The following VPS13B variants were observed in gnomAD, a reference collection of about 807,000 sequenced individuals.
VPS13B encodes intermembrane lipid transfer protein VPS13B.
A neutral mutation model predicts 426.4 loss-of-function variants in VPS13B; 285 were observed. The ratio of observed to expected loss-of-function variants is 0.67; its 90% CI spans 0.61 to 0.74. VPS13B has a LOEUF of 0.74. Among genes scored for constraint, VPS13B ranks in the 30% least tolerant of loss-of-function variants. VPS13B has a pLI of 0.00. For missense variants in VPS13B, 4,537 were observed against 4,782.6 expected (o/e 0.95, Z 1.51); for synonymous variants, 1,676 against 1,676.4 (o/e 1.00, Z 0.01).
intron 51 of VPS13B, among the ~76,000 whole-genome samples, chr8:99,830,648 GA>G (rs147787783): frequency 7.2e-5 from 11 of 151,866 alleles, no homozygotes; most frequent in Non-Finnish European, 1.3e-4. Context: ...ACTGGGGTAT[GA>G]AAAAAAACTC....
At chr8:99,304,512 A>G (rs1292466472) in intron 19 of VPS13B, among the ~76,000 whole-genome samples, 1 of 152,132 alleles carries the variant, frequency 6.6e-6, no homozygotes, top group Non-Finnish European at 1.5e-5. Context: ...AAGATGAAAT[A>G]TTAAATTTGT....
At chr8:99,736,911 G>A (rs913081193) in intron 39 of VPS13B, among the ~76,000 whole-genome samples, 3 of 151,916 alleles carry the variant, frequency 2.0e-5, no homozygotes, top group Non-Finnish European at 4.4e-5. Flanking sequence ...AGATGAGAAA[G>A]CTAAGCCCAG....
chr8:99,697,237 A>G, intron 35 of VPS13B: 1 of 574,310 alleles, frequency 1.7e-6, no homozygotes, highest in Non-Finnish European at 3.2e-6. Flanking sequence ...GTCACGCTGC[A>G]GGAGGAGGCA....
chr8:99,166,581 T>C (rs568912356), intron 15 of VPS13B, among the ~76,000 whole-genome samples: 43 of 152,316 alleles, frequency 2.8e-4, no homozygotes, highest in African/African-American at 1.0e-3. Flanking sequence ...GAAACGAAGA[T>C]ATACATAAAT....
At chr8:99,676,199 T>G (rs938825608) in intron 35 of VPS13B, among the ~76,000 whole-genome samples, 2 of 152,058 alleles carry the variant, frequency 1.3e-5, no homozygotes, top group African/African-American at 4.8e-5. Flanking sequence ...GAGGGCACCC[T>G]ACACCCAGGC....
chr8:99,561,975 T>C (rs573977602), intron 31 of VPS13B, among the ~76,000 whole-genome samples: 2 of 152,322 alleles, frequency 1.3e-5, no homozygotes, highest in African/African-American at 4.8e-5. Context: ...TTCAGCTTTT[T>C]GAGAAACTGC....
chr8:99,798,887 A>G (rs898723301), intron 43 of VPS13B, among the ~76,000 whole-genome samples: 5 of 152,224 alleles, frequency 3.3e-5, no homozygotes, highest in Admixed American at 3.3e-4. Context: ...GGAGAAAGGT[A>G]ATGCAGCTGG....
chr8:99,409,513 G>T (rs986347610), intron 21 of VPS13B, among the ~76,000 whole-genome samples: 2 of 152,044 alleles, frequency 1.3e-5, no homozygotes, highest in African/African-American at 4.8e-5. Context: ...CAGTAAATAT[G>T]TACAATTGTA....
chr8:99,712,966 T>G (rs1257626787), intron 36 of VPS13B, among the ~76,000 whole-genome samples: 1 of 152,166 alleles, frequency 6.6e-6, no homozygotes, highest in Non-Finnish European at 1.5e-5. Context: ...AGGTAGGCAC[T>G]TTGCAAGTGA....
chr8:99,140,505 T>C (rs1239909148), intron 12 of VPS13B, among the ~76,000 whole-genome samples: 2 of 152,088 alleles, frequency 1.3e-5, no homozygotes, highest in East Asian at 3.8e-4. Context: ...TTAAGTTTCC[T>C]CTGCTACTAT....
In VPS13B at chr8:99,778,704, A is replaced by G; in HGVS notation, c.7452A>G (p.Pro2484=). The G allele has an allele frequency of 1.2e-6, 2 of 1,613,874 alleles. No homozygotes were observed. The highest frequency in any genetic ancestry group is 1.1e-5 in the South Asian group (1 of 91,070). The part of the protein sequence containing the change: ...LGTAAPQYLQ[P]FVSDRNMPSE... ...CAGCTGCACCACAGTACCTACAGCC[A>G]TTTGTTTCCGACAGAAATATGCCAT... Residue 2484 remains proline, a synonymous_variant, in exon 42 of 62, where the codon CCA becomes CCG. Coordinates refer to ENST00000357162, the MANE Select transcript of VPS13B (RefSeq NM_152564.5).
chr8:99,708,849 C>CTATA (rs1554916985), intron 36 of VPS13B, among the ~76,000 whole-genome samples: 212 of 147,334 alleles, frequency 1.4e-3, no homozygotes, highest in South Asian at 3.5e-3. Flanking sequence ...CTCTCTCTCT[C>CTATA]TATATATATA....
chr8:99,543,193 G>C (rs559892576), intron 30 of VPS13B, among the ~76,000 whole-genome samples: 15 of 152,174 alleles, frequency 9.9e-5, no homozygotes, highest in East Asian at 3.9e-4. Flanking sequence ...ACAAACCTGA[G>C]AAAAACAAGC....
intron 21 of VPS13B, among the ~76,000 whole-genome samples, chr8:99,393,689 C>G (rs1367690141): frequency 6.6e-6 from 1 of 151,966 alleles, no homozygotes; most frequent in Non-Finnish European, 1.5e-5. Context: ...GAGCAGTCAC[C>G]AAAGGTAAAA....
intron 17 of VPS13B, among the ~76,000 whole-genome samples, chr8:99,253,004 C>T (rs1232314067): frequency 6.6e-6 from 1 of 152,020 alleles, no homozygotes; most frequent in East Asian, 1.9e-4. Flanking sequence ...TCCTATTTCC[C>T]CACAGCCCTT....
intron 17 of VPS13B, among the ~76,000 whole-genome samples, chr8:99,194,324 A>G (rs2132732574): frequency 6.6e-6 from 1 of 152,240 alleles, no homozygotes; most frequent in South Asian, 2.1e-4. Context: ...ACAGACATAC[A>G]TATTTGTATC....
chr8:99,875,553 C>G lies in VPS13B; in HGVS notation c.11881C>G (p.Pro3961Ala), dbSNP rs762256695. Residue 3961 changes from proline (P) to alanine (A), a missense_variant, in exon 62 of 62, where the codon CCC (proline) becomes GCC (alanine). Pro to Ala is a conservative substitution (Grantham distance 27). Coordinates refer to ENST00000357162, the MANE Select transcript of VPS13B (RefSeq NM_152564.5). ...IPCPVVAAEP[P>A]PSTVKTYHYL... ...ATGCCCTGTGGTGGCTGCAGAACCT[C>G]CCCCCTCCACTGTTAAAACATACCA... 1 of 1,614,110 alleles carries G rather than the reference C, an allele frequency of 6.2e-7. No homozygotes were observed.
chr8:99,659,168 TATTTGAAG>T (rs1563848844), intron 34 of VPS13B, among the ~76,000 whole-genome samples: 1 of 152,176 alleles, frequency 6.6e-6, no homozygotes, highest in Non-Finnish European at 1.5e-5. Context: ...ATTTCTATCT[TATTTGAAG>T]ATTTGTTTCT....
intron 30 of VPS13B, among the ~76,000 whole-genome samples, chr8:99,522,370 C>A (rs1044984762): frequency 6.6e-6 from 1 of 152,184 alleles, no homozygotes; most frequent in Non-Finnish European, 1.5e-5. Flanking sequence ...AAGTGAACCA[C>A]TGAGATAATT....
Sources: allele counts gnomAD v4.1 joint callset (sites outside exome capture counted in the v4.1 genomes callset), GRCh38; gene constraint gnomAD v4.1.1; transcripts MANE v1.5; gene names NCBI Gene and HGNC (gene_info 2026-07-23, HGNC 2026-07-21).